The following PARD3 variants were observed in gnomAD, a reference collection of about 807,000 sequenced individuals.
PARD3 encodes the protein partitioning defective 3 homolog.
In PARD3, 75 loss-of-function variants were observed where a neutral mutation model predicts 155.4. That is an observed-to-expected ratio of 0.48 (90% CI 0.40 to 0.58). The LOEUF (loss-of-function observed/expected upper bound fraction) is 0.58. PARD3 is among the 20% of genes least tolerant of loss of function. The pLI, the probability that PARD3 is intolerant of heterozygous loss-of-function variation, is 0.00. For synonymous variants in PARD3, 576 were observed against 610.5 expected, an observed-to-expected ratio of 0.94 and a Z score of 0.83; for missense variants, 1,642 against 1,721.7, an observed-to-expected ratio of 0.95 and a Z score of 0.82.
intron 1 of PARD3, among the ~76,000 whole-genome samples, chr10:34,725,932 G>A (rs530160554): frequency 5.3e-5 from 8 of 152,156 alleles, no homozygotes; most frequent in South Asian, 4.2e-4. Flanking sequence ...TTAATCCCAC[G>A]TTCTCAGTCA....
chr10:34,136,882 G>A (rs952784507), intron 22 of PARD3, among the ~76,000 whole-genome samples: 3 of 152,052 alleles, frequency 2.0e-5, no homozygotes, highest in Admixed American at 1.3e-4. Flanking sequence ...TACCAGAATC[G>A]GCATGTGTAT....
chr10:34,726,621 C>G (rs148140113), intron 1 of PARD3, among the ~76,000 whole-genome samples: 1 of 152,152 alleles, frequency 6.6e-6, no homozygotes, highest in East Asian at 1.9e-4. Context: ...ATTAGCTGGG[C>G]GTGGTGACAG....
rs138986872 is a variant in PARD3 at position 34,304,015 on chromosome 10, C to T, written c.3065+13092G>A. Among the ~76,000 whole-genome samples, 685 of 152,110 alleles carry T rather than the reference C, an allele frequency of 4.5e-3. 7 individuals are homozygous for T. The highest frequency in any genetic ancestry group is 0.016 in the African/African-American group (654 of 41,494). On this transcript the variant is annotated intron_variant, in intron 20 of 24. Coordinates refer to ENST00000374788, the MANE Select transcript of PARD3 (RefSeq NM_001184785.2). Reference sequence around the variant, plus strand: ...TGGGAACAGGAAGAGGCAGGGAATGCGCAGCACAGAGCCACCTAGAAGGAA... The same window carrying T: ...TGGGAACAGGAAGAGGCAGGGAATGTGCAGCACAGAGCCACCTAGAAGGAA...
chr10:34,741,489 T>G (rs2095017394), intron 1 of PARD3, among the ~76,000 whole-genome samples: 1 of 152,106 alleles, frequency 6.6e-6, no homozygotes, highest in Non-Finnish European at 1.5e-5. Context: ...CCAGCCTATT[T>G]TTATTTATAA....
intron 22 of PARD3, among the ~76,000 whole-genome samples, chr10:34,172,188 T>C (rs151222659): frequency 6.6e-6 from 1 of 152,202 alleles, no homozygotes; most frequent in African/African-American, 2.4e-5. Context: ...TTCCACAAAA[T>C]TGAATTCATA....
chr10:34,167,220 C>T (rs906508122), intron 22 of PARD3, among the ~76,000 whole-genome samples: 4 of 152,234 alleles, frequency 2.6e-5, no homozygotes, highest in Non-Finnish European at 5.9e-5. Context: ...ATAGACCTTA[C>T]CTCCAAAAAG....
At position 34,122,564 on chromosome 10, in the gene PARD3, C is replaced by T. The variant is rs556419778; in HGVS notation, c.3541-2824G>A. On this transcript the variant is annotated intron_variant, in intron 23 of 24. Coordinates refer to ENST00000374788, the MANE Select transcript of PARD3 (RefSeq NM_001184785.2). Reference sequence around the variant, plus strand: ...CACCAGGAAGAAACATAAACATTGGCTTCACCATTAATAGTTTACTCCATT... The same window carrying T: ...CACCAGGAAGAAACATAAACATTGGTTTCACCATTAATAGTTTACTCCATT... Among the ~76,000 whole-genome samples, 11 of 152,246 alleles carry T rather than the reference C, an allele frequency of 7.2e-5. 1 individual carries two copies. In the South Asian group the frequency reaches 1.9e-3, roughly 26 times the overall value.
rs71033345 is a variant in PARD3 at position 34,741,174 on chromosome 10, A to ATTTTT, written c.121-44760_121-44756dup. On this transcript the variant is annotated intron_variant, in intron 1 of 24. Transcript: ENST00000374788. ...CAACTGCTGTGTTTTCGTAAACCAA[A>ATTTTT]TTTTTTTTTTTTTTTTTTTTGTTTG... Among the ~76,000 whole-genome samples the ATTTTT allele has an allele frequency of 9.5e-4, 109 of 114,298 alleles. 13 individuals carry two copies. The highest frequency in any genetic ancestry group is 1.5e-3 in the East Asian group (5 of 3,420). The allele number at this position is 114,298 out of a possible 152,430, so 75.0% of individuals were successfully genotyped here.
chr10:34,753,192 T>C (rs892001323), intron 1 of PARD3, among the ~76,000 whole-genome samples: 45 of 152,218 alleles, frequency 3.0e-4, no homozygotes, highest in African/African-American at 1.1e-3. Context: ...TCTTCATACA[T>C]GCCCACATGA....
chr10:34,640,411 G>C (rs2092631983), intron 2 of PARD3, among the ~76,000 whole-genome samples: 1 of 152,152 alleles, frequency 6.6e-6, no homozygotes, highest in Admixed American at 6.5e-5. Context: ...GAGGTCAGGA[G>C]TTTGAAATCA....
At chr10:34,474,901 GTTACA>G (rs1364949439) in intron 3 of PARD3, among the ~76,000 whole-genome samples, 2 of 152,086 alleles carry the variant, frequency 1.3e-5, no homozygotes, top group African/African-American at 4.8e-5. Flanking sequence ...AGGAAGAAAC[GTTACA>G]TTAGCCATAA....
intron 1 of PARD3, among the ~76,000 whole-genome samples, chr10:34,800,001 A>C (rs1023474447): frequency 6.6e-6 from 1 of 152,064 alleles, no homozygotes; most frequent in Non-Finnish European, 1.5e-5. Context: ...TAGGTGGTAC[A>C]TACCTGTAGT....
chr10:34,520,372 A>G (rs535106739), intron 2 of PARD3, among the ~76,000 whole-genome samples: 5 of 152,308 alleles, frequency 3.3e-5, no homozygotes, highest in Admixed American at 1.3e-4. Context: ...AGTAGGATGA[A>G]TAATTGGGCC....
intron 5 of PARD3, among the ~76,000 whole-genome samples, chr10:34,449,514 A>G (rs1484485368): frequency 6.6e-6 from 1 of 151,730 alleles, no homozygotes; most frequent in Non-Finnish European, 1.5e-5. Context: ...TGACGAGTTA[A>G]TGGGTGCAGC....
intron 2 of PARD3, among the ~76,000 whole-genome samples, chr10:34,546,098 T>C (rs1387104866): frequency 6.6e-6 from 1 of 152,236 alleles, no homozygotes; most frequent in Non-Finnish European, 1.5e-5. Flanking sequence ...ATAAAATATA[T>C]GTTGTATACT....
chr10:34,755,360 T>C (rs1057005875), intron 1 of PARD3, among the ~76,000 whole-genome samples: 6 of 151,890 alleles, frequency 4.0e-5, no homozygotes, highest in African/African-American at 1.2e-4. Flanking sequence ...TGCAGTGAGC[T>C]GAGATTGCAC....
At chr10:34,152,673 T>C (rs922053950) in intron 22 of PARD3, among the ~76,000 whole-genome samples, 29 of 152,240 alleles carry the variant, frequency 1.9e-4, no homozygotes, top group Admixed American at 3.3e-4. Flanking sequence ...TATGTTTTTT[T>C]CAAAAGGATT....
intron 1 of PARD3, among the ~76,000 whole-genome samples, chr10:34,808,997 T>C (rs967290469): frequency 2.4e-4 from 37 of 152,278 alleles, no homozygotes; most frequent in African/African-American, 8.9e-4. Context: ...GCCTTGAACC[T>C]CGCCCAAGGC....
intron 2 of PARD3, among the ~76,000 whole-genome samples, chr10:34,578,757 C>T (rs2087120392): frequency 6.6e-6 from 1 of 152,156 alleles, no homozygotes; most frequent in Admixed American, 6.5e-5. Flanking sequence ...TACACTCAAT[C>T]GCTGAGGGAA....
Sources: allele counts gnomAD v4.1 joint callset (sites outside exome capture counted in the v4.1 genomes callset), GRCh38; gene constraint gnomAD v4.1.1; transcripts MANE v1.5; gene names NCBI Gene and HGNC (gene_info 2026-07-23, HGNC 2026-07-21).